Variants in N4BP1 observed in about 807,000 individuals in gnomAD.
N4BP1 encodes the protein NEDD4-binding protein 1.
N4BP1 carries 21 observed loss-of-function variants against 70.9 expected under a neutral mutation model. The ratio of observed to expected loss-of-function variants is 0.30; its 90% CI spans 0.21 to 0.43. N4BP1 has a LOEUF of 0.43. N4BP1 is among the 20% of genes least tolerant of loss of function. N4BP1 has a pLI of 1.00. For synonymous variants in N4BP1, 387 were observed against 394.6 expected (o/e 0.98, Z 0.23); for missense variants, 936 against 1,069.4 (o/e 0.88, Z 1.74).
intron 1 of N4BP1, among the ~76,000 whole-genome samples, chr16:48,596,915 A>C (rs1204474536): frequency 6.6e-6 from 1 of 152,158 alleles, no homozygotes; most frequent in African/African-American, 2.4e-5. Flanking sequence ...AGTAGTTGAG[A>C]TATTTTGCAG....
intron 1 of N4BP1, among the ~76,000 whole-genome samples, chr16:48,592,383 G>C (rs923279620): frequency 1.3e-5 from 2 of 152,108 alleles, no homozygotes; most frequent in African/African-American, 4.8e-5. Context: ...TTTTGAGAAT[G>C]TCTTTGCTTT....
At chr16:48,543,792 C>T (rs1938884676) in intron 6 of N4BP1, among the ~76,000 whole-genome samples, 2 of 152,146 alleles carry the variant, frequency 1.3e-5, no homozygotes, top group Admixed American at 6.5e-5. Flanking sequence ...TCAAAAGCCT[C>T]CCACTGGACT....
intron 4 of N4BP1, among the ~76,000 whole-genome samples, chr16:48,548,520 A>G (rs1963620353): frequency 1.3e-5 from 2 of 152,178 alleles, no homozygotes; most frequent in Non-Finnish European, 2.9e-5. Context: ...GTTTAGTACA[A>G]TCAGCCTTAC....
At chr16:48,604,621 A>T (rs919357305) in intron 1 of N4BP1, among the ~76,000 whole-genome samples, 2 of 149,922 alleles carry the variant, frequency 1.3e-5, no homozygotes, top group Admixed American at 6.6e-5. Flanking sequence ...AAACAAAAAC[A>T]AAAACTAAAT....
intron 1 of N4BP1, among the ~76,000 whole-genome samples, chr16:48,568,941 A>T (rs1963978895): frequency 6.6e-6 from 1 of 152,180 alleles, no homozygotes; most frequent in Non-Finnish European, 1.5e-5. Context: ...GCCAAACTTG[A>T]AATGTCTTCA....
intron 1 of N4BP1, among the ~76,000 whole-genome samples, chr16:48,603,132 T>C (rs553947669): frequency 6.6e-6 from 1 of 152,348 alleles, no homozygotes; most frequent in East Asian, 1.9e-4. Flanking sequence ...ATTACATTTT[T>C]TTTTCATTCT....
In N4BP1 at chr16:48,541,961, C is replaced by A. The variant is rs1361329338; in HGVS notation, c.*943G>T. 4 of 152,734 alleles carry A rather than the reference C, an allele frequency of 2.6e-5. No individual in the cohort carries two copies. Among genetic ancestry groups the A allele is most frequent in the African/African-American group, 9.6e-5 (4 of 41,472 alleles). The allele number at this position is 152,734 out of a possible 1,614,324, so 9.5% of individuals were successfully genotyped here. A position where few individuals can be genotyped will look rare whatever the true frequency, so the allele number is the denominator to read the frequency against. ...TGGCAAAGCTGTACAAACTCCACATCAGGGCGTCTCCTGCAGTTGGGGACA... is the reference window on the plus strand; with the variant it reads ...TGGCAAAGCTGTACAAACTCCACATAAGGGCGTCTCCTGCAGTTGGGGACA... On this transcript the variant is annotated 3_prime_UTR_variant, in exon 7 of 7. Coordinates refer to ENST00000262384, the MANE Select transcript of N4BP1 (RefSeq NM_153029.4).
At position 48,560,950 on chromosome 16, in the gene N4BP1, T is replaced by C. The variant is rs776887410; in HGVS notation, c.1693A>G (p.Met565Val). 2.5e-6 allele frequency: 4 copies of C among 1,613,764 alleles called. No individual in the cohort carries two copies. Among genetic ancestry groups the C allele is most frequent in the South Asian group, 1.1e-5 (1 of 91,090 alleles). The change falls in exon 2 of 7, where the codon ATG becomes GTG. Residue 565 changes from methionine to valine, a missense_variant. By Grantham distance (21) the Met-to-Val change is conservative. Transcript: ENST00000262384. The part of the protein sequence containing the change: ...KPNCSTLSPP[M>V]PLPQLLPSVT... ...GAAGGTAACAGCTGGGGCAGTGGCA[T>C]TGGTGGAGAAAGGGTTGAGCAATTT...
chr16:48,606,058 GTC>G (rs1964576621), intron 1 of N4BP1, among the ~76,000 whole-genome samples: 1 of 152,142 alleles, frequency 6.6e-6, no homozygotes, highest in Non-Finnish European at 1.5e-5. Flanking sequence ...CCCCATGTCT[GTC>G]TCCCCTAAGA....
intron 1 of N4BP1, among the ~76,000 whole-genome samples, chr16:48,596,382 G>C (rs1964415044): frequency 1.3e-5 from 2 of 152,120 alleles, no homozygotes; most frequent in African/African-American, 2.4e-5. Flanking sequence ...CCTCAGCCTG[G>C]CTTGCGTGAG....
rs1301825012 is a variant in N4BP1, at chr16:48,561,810, T to C, written c.833A>G (p.Asn278Ser). The change falls in exon 2 of 7, where the codon AAT becomes AGT. Residue 278 changes from asparagine to serine, a missense_variant. By Grantham distance (46) the Asn-to-Ser change is conservative. This residue lies in a region of N4BP1 where 515 missense variants were observed against 491.7 expected (regional missense o/e 1.05). Coordinates refer to ENST00000262384, the MANE Select transcript of N4BP1 (RefSeq NM_153029.4). ...GLTPDEEALS[N>S]ERICQKRRFS... is the part of the protein sequence containing the mutation. ...TCTCCTTTTCTGACAAATTCTCTCATTGGAAAGTGCCTCTTCATCTGGGGT... is the reference window on the plus strand; with the variant it reads ...TCTCCTTTTCTGACAAATTCTCTCACTGGAAAGTGCCTCTTCATCTGGGGT... The C allele has an allele frequency of 1.2e-5, 20 of 1,613,700 alleles. No individual in the cohort carries two copies. Among genetic ancestry groups the C allele is most frequent in the African/African-American group, 2.7e-5 (2 of 75,060 alleles).
In N4BP1 at chr16:48,553,592, T is replaced by G; in HGVS notation, c.1967A>C (p.Asn656Thr). ...CCACTGAGGGACAAATACAGTGATG[T>G]TTCTGTTGCCAAGCTTCCAAAAATA... ...VEYFWKLGNR[N>T]ITVFVPQWRT... is the part of the protein sequence containing the mutation. Residue 656 changes from asparagine (N) to threonine (T), a missense_variant, in exon 3 of 7, where the codon AAC becomes ACC. By Grantham distance (65) the Asn-to-Thr change is moderately conservative. Coordinates refer to ENST00000262384, the MANE Select transcript of N4BP1 (RefSeq NM_153029.4). 1 of 1,608,580 alleles carries G rather than the reference T, an allele frequency of 6.2e-7. No homozygotes were observed.
intron 1 of N4BP1, among the ~76,000 whole-genome samples, chr16:48,589,015 T>C (rs747757274): frequency 4.7e-4 from 72 of 152,256 alleles, no homozygotes; most frequent in Non-Finnish European, 9.3e-4. Flanking sequence ...GCTTGACATA[T>C]TTACATTAAA....
At chr16:48,584,743 C>A (rs1964219650) in intron 1 of N4BP1, among the ~76,000 whole-genome samples, 1 of 152,048 alleles carries the variant, frequency 6.6e-6, no homozygotes, top group Non-Finnish European at 1.5e-5. Flanking sequence ...AGATTACCAT[C>A]TCTTAAAAAA....
chr16:48,587,095 T>TTTTTC (rs1476694357), intron 1 of N4BP1: 1 of 152,244 alleles, frequency 6.6e-6, no homozygotes, highest in Non-Finnish European at 1.5e-5. Flanking sequence ...AGTGGTTTCT[T>TTTTTC]CTTTCCTCTC....
chr16:48,575,947 A>G (rs1432806821), intron 1 of N4BP1, among the ~76,000 whole-genome samples: 1 of 152,144 alleles, frequency 6.6e-6, no homozygotes, highest in Admixed American at 6.5e-5. Flanking sequence ...GAGAAACTAC[A>G]CATGCAAGGA....
intron 1 of N4BP1, among the ~76,000 whole-genome samples, chr16:48,572,317 A>C (rs1373040549): frequency 2.6e-5 from 4 of 152,166 alleles, no homozygotes; most frequent in Non-Finnish European, 4.4e-5. Context: ...AGGCATGATT[A>C]TTTTCAAAAG....
intron 6 of N4BP1, among the ~76,000 whole-genome samples, chr16:48,545,149 G>A (rs1387912593): frequency 6.6e-6 from 1 of 151,898 alleles, no homozygotes; most frequent in East Asian, 2.0e-4. Context: ...ATTTTTAGTA[G>A]AGCCAGGGTT....
At chr16:48,557,642 A>G (rs1963775782) in intron 2 of N4BP1, among the ~76,000 whole-genome samples, 2 of 152,310 alleles carry the variant, frequency 1.3e-5, no homozygotes, top group South Asian at 4.1e-4. Flanking sequence ...GGTAGTAAAA[A>G]GCCACTAAAA....
Sources: gnomAD v4.1 joint callset for allele counts (sites outside exome capture counted in the v4.1 genomes callset) on GRCh38, gnomAD v4.1.1 for gene constraint, gnomAD v4.1.1 regional missense constraint, MANE v1.5 for transcripts, NCBI Gene and HGNC (gene_info 2026-07-23, HGNC 2026-07-21) for gene names.